The following SLC14A2 variants were observed in gnomAD, a reference collection of about 807,000 sequenced individuals.
SLC14A2 encodes urea transporter 2.
SLC14A2 carries 91 observed loss-of-function variants against 104.6 expected under a neutral mutation model. The ratio of observed to expected loss-of-function variants is 0.87; its 90% CI spans 0.73 to 1.04. The LOEUF is 1.04. Among genes scored for constraint, SLC14A2 ranks in the 50% least tolerant of loss-of-function variants. SLC14A2 has a pLI of 0.00. For synonymous variants in SLC14A2, 476 were observed against 466.4 expected (o/e 1.02, Z -0.27); for missense variants, 1,189 against 1,156.0 (o/e 1.03, Z -0.41).
intron 1 of SLC14A2, among the ~76,000 whole-genome samples, chr18:45,347,735 T>G (rs1458429883): frequency 6.6e-6 from 1 of 152,236 alleles, no homozygotes; most frequent in African/African-American, 2.4e-5. Context: ...TTGATCTCCC[T>G]TTAGTCCCCA....
intron 1 of SLC14A2, among the ~76,000 whole-genome samples, chr18:45,472,927 T>C (rs1024700049): frequency 6.6e-6 from 1 of 152,194 alleles, no homozygotes; most frequent in African/African-American, 2.4e-5. Context: ...TTGCTTTTGG[T>C]GTTTTAGTCA....
chr18:45,321,149 A>C (rs1157844292), intron 1 of SLC14A2, among the ~76,000 whole-genome samples: 1 of 152,212 alleles, frequency 6.6e-6, no homozygotes, highest in African/African-American at 2.4e-5. Flanking sequence ...ATCTGGATCC[A>C]TGTTTATAAA....
At chr18:45,508,969 C>T (rs2043325930) in intron 2 of SLC14A2, among the ~76,000 whole-genome samples, 1 of 152,184 alleles carries the variant, frequency 6.6e-6, no homozygotes, top group South Asian at 2.1e-4. Context: ...CAGCATCCCC[C>T]AAACCTTCAG....
intron 1 of SLC14A2, among the ~76,000 whole-genome samples, chr18:45,336,396 T>C (rs1310895078): frequency 6.6e-6 from 1 of 151,790 alleles, no homozygotes; most frequent in South Asian, 2.1e-4. Flanking sequence ...CTGCCATAGT[T>C]AATAATTCTG....
intron 19 of SLC14A2, among the ~76,000 whole-genome samples, chr18:45,681,030 T>G (rs2046303800): frequency 1.3e-5 from 2 of 151,860 alleles, no homozygotes; most frequent in Non-Finnish European, 2.9e-5. Context: ...GTTACTCCCA[T>G]GGTAGTATCT....
At chr18:45,359,500 C>T (rs987404917) in intron 1 of SLC14A2, among the ~76,000 whole-genome samples, 4 of 152,302 alleles carry the variant, frequency 2.6e-5, no homozygotes, top group Admixed American at 6.5e-5. Context: ...TCCTCAGTGC[C>T]CTGGGCTCTC....
At chr18:45,640,033 C>A in intron 7 of SLC14A2, 140 bp downstream of exon 7, 1 of 787,406 alleles carries the variant, frequency 1.3e-6, no homozygotes, top group Non-Finnish European at 2.0e-6. Flanking sequence ...GTGACTTATG[C>A]CTGTAATCCC....
chr18:45,295,023 A>G (rs1463289629), intron 1 of SLC14A2, among the ~76,000 whole-genome samples: 2 of 152,212 alleles, frequency 1.3e-5, no homozygotes, highest in Admixed American at 1.3e-4. Context: ...TCATTTACAT[A>G]CATCGATTAC....
At chr18:45,318,897 C>A (rs932231319) in intron 1 of SLC14A2, among the ~76,000 whole-genome samples, 1 of 152,088 alleles carries the variant, frequency 6.6e-6, no homozygotes, top group Non-Finnish European at 1.5e-5. Flanking sequence ...AGGCCAAATG[C>A]GCCACCAGAT....
chr18:45,545,210 G>A (rs2144867416), intron 2 of SLC14A2, among the ~76,000 whole-genome samples: 1 of 152,334 alleles, frequency 6.6e-6, no homozygotes, highest in African/African-American at 2.4e-5. Flanking sequence ...AGCCTGCCCA[G>A]TGGTTATAAA....
intron 1 of SLC14A2, among the ~76,000 whole-genome samples, chr18:45,224,951 C>T (rs901416220): frequency 5.9e-5 from 9 of 152,178 alleles, no homozygotes; most frequent in African/African-American, 2.4e-5. Flanking sequence ...TGCCTATTCA[C>T]TCTGATGGTA....
chr18:45,459,187 CG>C (rs1233377818), intron 1 of SLC14A2, among the ~76,000 whole-genome samples: 1 of 152,130 alleles, frequency 6.6e-6, no homozygotes, highest in Non-Finnish European at 1.5e-5. Context: ...CCTTCACCAC[CG>C]CCTGCCAGGG....
intron 10 of SLC14A2, chr18:45,646,184 TC>T (rs1216646076): frequency 1.3e-5 from 2 of 152,242 alleles, no homozygotes; most frequent in East Asian, 3.8e-4. Context: ...TCTGTTGTTC[TC>T]TCATCTGCCA....
intron 1 of SLC14A2, among the ~76,000 whole-genome samples, chr18:45,398,023 T>C (rs2086055248): frequency 6.6e-6 from 1 of 152,130 alleles, no homozygotes. Flanking sequence ...GTAATATTTA[T>C]TGAGGGACAA....
chr18:45,628,238 G>T (rs2045291760), intron 4 of SLC14A2, among the ~76,000 whole-genome samples: 1 of 151,920 alleles, frequency 6.6e-6, no homozygotes, highest in Non-Finnish European at 1.5e-5. Flanking sequence ...AAAGTCAAGA[G>T]ATTGAGACCA....
chr18:45,222,707 C>T (rs1469305450), intron 1 of SLC14A2, among the ~76,000 whole-genome samples: 1 of 152,142 alleles, frequency 6.6e-6, no homozygotes, highest in Admixed American at 6.5e-5. Context: ...CACCAACTAC[C>T]CTTTGGATAT....
chr18:45,192,578 A>C, the SLC14A2 span, among the ~76,000 whole-genome samples: 13 of 151,540 alleles, frequency 8.6e-5, no homozygotes, highest in Non-Finnish European at 1.3e-4. Flanking sequence ...TGGTATGGTA[A>C]GTCTTTTTAA....
At chr18:45,545,532 C>A (rs1281182507) in intron 2 of SLC14A2, among the ~76,000 whole-genome samples, 2 of 152,216 alleles carry the variant, frequency 1.3e-5, no homozygotes, top group African/African-American at 4.8e-5. Context: ...GAACCCCAGG[C>A]TCCCACAGGA....
At chr18:45,546,954 A>G (rs1334043658) in intron 2 of SLC14A2, among the ~76,000 whole-genome samples, 1 of 152,178 alleles carries the variant, frequency 6.6e-6, no homozygotes, top group East Asian at 1.9e-4. Context: ...AGGCATAGGA[A>G]ACACATAATC....
Sources: gnomAD v4.1 joint callset for allele counts (sites outside exome capture counted in the v4.1 genomes callset) on GRCh38, gnomAD v4.1.1 for gene constraint, MANE v1.5 for transcripts, NCBI Gene and HGNC (gene_info 2026-07-23, HGNC 2026-07-21) for gene names.